The following PLXDC2 variants were observed in gnomAD, a reference collection of about 807,000 sequenced individuals.
PLXDC2 encodes the protein plexin domain containing 2, also known as plexin domain-containing protein 2.
Under a neutral mutation model 68.9 loss-of-function variants are expected in PLXDC2, and 40 were observed. That is an observed-to-expected ratio of 0.58 (90% CI 0.45 to 0.76). The LOEUF is 0.76. Ranked by LOEUF, PLXDC2 falls within the 30% of genes least tolerant of loss-of-function variation. The pLI, the probability that PLXDC2 is intolerant of heterozygous loss-of-function variation, is 0.00. For synonymous variants in PLXDC2, 243 were observed against 234.2 expected (o/e 1.04, Z -0.34); for missense variants, 644 against 661.9 (o/e 0.97, Z 0.30).
At chr10:19,820,677 A>C (rs1836450176) in intron 1 of PLXDC2, among the ~76,000 whole-genome samples, 1 of 151,486 alleles carries the variant, frequency 6.6e-6, no homozygotes, top group African/African-American at 2.4e-5. Flanking sequence ...ATGTGTCCTT[A>C]TCAATTAGTT....
chr10:20,013,404 G>A (rs538160545), intron 2 of PLXDC2, among the ~76,000 whole-genome samples: 1 of 152,072 alleles, frequency 6.6e-6, no homozygotes, highest in African/African-American at 2.4e-5. Flanking sequence ...TTTCATGACA[G>A]GATTTTTTAC....
chr10:20,278,693 C>T (rs1400884818), intron 13 of PLXDC2, among the ~76,000 whole-genome samples: 2 of 151,974 alleles, frequency 1.3e-5, no homozygotes, highest in South Asian at 2.1e-4. Flanking sequence ...CATTAACCAT[C>T]GACATTGGCA....
chr10:20,181,716 A>T (rs1231014082), intron 9 of PLXDC2, among the ~76,000 whole-genome samples: 1 of 152,078 alleles, frequency 6.6e-6, no homozygotes, highest in Non-Finnish European at 1.5e-5. Flanking sequence ...TGAGAGTGAC[A>T]TCAGATAAGC....
chr10:20,153,861 A>G (rs1214769293), intron 6 of PLXDC2, among the ~76,000 whole-genome samples: 1 of 152,200 alleles, frequency 6.6e-6, no homozygotes, highest in Non-Finnish European at 1.5e-5. Context: ...TCTTTTCAAT[A>G]AGTGACTGAA....
intron 12 of PLXDC2, among the ~76,000 whole-genome samples, chr10:20,220,366 G>C (rs1047311559): frequency 4.6e-5 from 7 of 152,110 alleles, no homozygotes; most frequent in African/African-American, 1.4e-4. Flanking sequence ...GGGGTATAAA[G>C]TTAATGGAAT....
chr10:20,235,821 A>G (rs1297746253), intron 12 of PLXDC2, among the ~76,000 whole-genome samples: 2 of 152,220 alleles, frequency 1.3e-5, no homozygotes, highest in Non-Finnish European at 2.9e-5. Flanking sequence ...GTTTGAACAT[A>G]AGTGACTATT....
At chr10:19,823,001 C>G (rs1421584492) in intron 1 of PLXDC2, among the ~76,000 whole-genome samples, 1 of 151,858 alleles carries the variant, frequency 6.6e-6, no homozygotes, top group South Asian at 2.1e-4. Context: ...CTGCAAGCAC[C>G]GCCTCCCAGG....
intron 4 of PLXDC2, among the ~76,000 whole-genome samples, chr10:20,114,409 C>T (rs1191295427): frequency 2.0e-5 from 3 of 152,294 alleles, no homozygotes; most frequent in South Asian, 2.1e-4. Context: ...AGTGAGTACA[C>T]GGATCAATGT....
chr10:19,972,885 A>C (rs540842007), intron 1 of PLXDC2, among the ~76,000 whole-genome samples: 1 of 152,282 alleles, frequency 6.6e-6, no homozygotes, highest in East Asian at 1.9e-4. Context: ...TGTATTTAAA[A>C]CCTCACTACT....
chr10:20,259,291 A>G (rs1217519926), intron 13 of PLXDC2, among the ~76,000 whole-genome samples: 1 of 152,208 alleles, frequency 6.6e-6, no homozygotes, highest in Non-Finnish European at 1.5e-5. Flanking sequence ...ATTTGTTGAA[A>G]GATTTTATGG....
At chr10:20,055,969 T>G (rs1219037963) in intron 3 of PLXDC2, among the ~76,000 whole-genome samples, 1 of 152,112 alleles carries the variant, frequency 6.6e-6, no homozygotes, top group African/African-American at 2.4e-5. Context: ...AAAGTAATCA[T>G]AGTTTAATTT....
chr10:20,257,490 TCTC>T (rs1438701459), intron 13 of PLXDC2, among the ~76,000 whole-genome samples: 1 of 152,254 alleles, frequency 6.6e-6, no homozygotes, highest in African/African-American at 2.4e-5. Flanking sequence ...AGTCTATAGT[TCTC>T]CTATTTAGAG....
intron 1 of PLXDC2, among the ~76,000 whole-genome samples, chr10:19,828,785 G>C (rs540605801): frequency 2.0e-5 from 3 of 152,138 alleles, no homozygotes; most frequent in Admixed American, 6.5e-5. Flanking sequence ...TTAAGCCAAG[G>C]ACTTTTGTTT....
chr10:20,056,544 C>T (rs951094888), intron 3 of PLXDC2, among the ~76,000 whole-genome samples: 8 of 152,170 alleles, frequency 5.3e-5, no homozygotes, highest in Non-Finnish European at 1.0e-4. Flanking sequence ...TGAATCTACC[C>T]TTACTGTTCT....
At position 20,025,489 on chromosome 10, in the gene PLXDC2, C is replaced by T. The variant is rs964837722; in HGVS notation, c.325-21380C>T. On this transcript the variant is annotated intron_variant, in intron 2 of 13. Transcript: ENST00000377252. ...GTTGGTCAGGCTGGTCTTGAACTCCCGACCTCAGGTGATCTGCCTGCCTTG... is the reference window on the plus strand; with the variant it reads ...GTTGGTCAGGCTGGTCTTGAACTCCTGACCTCAGGTGATCTGCCTGCCTTG... Among the ~76,000 whole-genome samples, 16 of 152,026 alleles carry T rather than the reference C, an allele frequency of 1.1e-4. 1 individual carries two copies. The highest frequency in any genetic ancestry group is 2.6e-4 in the Admixed American group (4 of 15,242).
chr10:20,030,568 G>C (rs751065633), intron 2 of PLXDC2, among the ~76,000 whole-genome samples: 1 of 152,210 alleles, frequency 6.6e-6, no homozygotes, highest in Non-Finnish European at 1.5e-5. Context: ...ATTCCAGAGA[G>C]CAAAGGGTAG....
intron 13 of PLXDC2, among the ~76,000 whole-genome samples, chr10:20,273,038 A>AT (rs541304312): frequency 5.3e-4 from 81 of 152,334 alleles, no homozygotes; most frequent in Admixed American, 9.8e-4. Flanking sequence ...ATGGTACTTT[A>AT]TATATCTGTG....
At chr10:20,201,047 A>C (rs1057132694) in intron 9 of PLXDC2, among the ~76,000 whole-genome samples, 2 of 152,134 alleles carry the variant, frequency 1.3e-5, no homozygotes, top group Non-Finnish European at 2.9e-5. Flanking sequence ...AAGGAAGGGA[A>C]ATCAGTATAT....
intron 9 of PLXDC2, among the ~76,000 whole-genome samples, chr10:20,206,990 C>T (rs10508618): frequency 6.6e-6 from 1 of 152,072 alleles, no homozygotes; most frequent in South Asian, 2.1e-4. Context: ...GTTTATACAA[C>T]TGTCTCTCAC....
Sources: allele counts gnomAD v4.1 joint callset (sites outside exome capture counted in the v4.1 genomes callset), GRCh38; gene constraint gnomAD v4.1.1; transcripts MANE v1.5; gene names NCBI Gene and HGNC (gene_info 2026-07-23, HGNC 2026-07-21).